PARD3B: variants seen among roughly 807,000 people sequenced by gnomAD.
PARD3B encodes partitioning defective 3 homolog B.
PARD3B carries 103 observed loss-of-function variants against 130.2 expected under a neutral mutation model. The ratio of observed to expected loss-of-function variants is 0.79; its 90% confidence interval spans 0.67 to 0.93. The LOEUF (loss-of-function observed/expected upper bound fraction) is 0.93. PARD3B is among the 40% of genes least tolerant of loss of function. The pLI, the probability that PARD3B is intolerant of heterozygous loss-of-function variation, is 0.00. For synonymous variants in PARD3B, 583 were observed against 553.2 expected, an observed-to-expected ratio of 1.05 and a Z score of -0.76; for missense variants, 1,609 against 1,499.2, an observed-to-expected ratio of 1.07 and a Z score of -1.21.
intron 3 of PARD3B, among the ~76,000 whole-genome samples, chr2:205,007,711 C>G (rs1438725504): frequency 6.6e-6 from 1 of 152,038 alleles, no homozygotes; most frequent in Non-Finnish European, 1.5e-5. Flanking sequence ...GGTTGTTTTT[C>G]TAGTTCTGTG....
At chr2:204,970,664 T>G (rs1037557907) in intron 3 of PARD3B, among the ~76,000 whole-genome samples, 5 of 152,218 alleles carry the variant, frequency 3.3e-5, no homozygotes, top group Admixed American at 3.3e-4. Context: ...ATTTGCTAAT[T>G]TGGGTTCAAG....
At chr2:204,712,556 A>G (rs953326243) in intron 2 of PARD3B, among the ~76,000 whole-genome samples, 4 of 149,538 alleles carry the variant, frequency 2.7e-5, no homozygotes, top group African/African-American at 9.8e-5. Context: ...AGAGGTTGCA[A>G]TGAGCGGAGA....
Position 205,338,164 on chromosome 2 carries a change from A to C in PARD3B, c.2630+36463A>C, listed in dbSNP as rs199623993. On this transcript the variant is annotated intron_variant, in intron 18 of 22. Coordinates refer to ENST00000406610, the MANE Select transcript of PARD3B (RefSeq NM_001302769.2). ...TGAGACTCCATCTCAAAAAAAAAAAAAAAAAAAAAAAAAAGGCTTCATGAG... is the reference window on the plus strand; with the variant it reads ...TGAGACTCCATCTCAAAAAAAAAAACAAAAAAAAAAAAAAGGCTTCATGAG... 6.6e-5 allele frequency among the ~76,000 whole-genome samples: 10 copies of C among 151,106 alleles called. No homozygotes were observed. In the East Asian group the frequency reaches 1.9e-3, roughly 29 times the overall value.
intron 3 of PARD3B, among the ~76,000 whole-genome samples, chr2:205,034,105 C>A (rs527810717): frequency 6.6e-6 from 1 of 152,108 alleles, no homozygotes; most frequent in East Asian, 1.9e-4. Context: ...ACATACTAGA[C>A]GAGATACCCT....
chr2:205,012,226 T>G (rs1037177178), intron 3 of PARD3B, among the ~76,000 whole-genome samples: 2 of 152,218 alleles, frequency 1.3e-5, no homozygotes, highest in Non-Finnish European at 2.9e-5. Flanking sequence ...CATTTTCTCC[T>G]GGTTTTCTTC....
At chr2:205,083,307 A>G (rs1701543662) in intron 4 of PARD3B, among the ~76,000 whole-genome samples, 1 of 150,688 alleles carries the variant, frequency 6.6e-6, no homozygotes. Flanking sequence ...ACATAACCTC[A>G]GTAGCATAAA....
intron 2 of PARD3B, among the ~76,000 whole-genome samples, chr2:204,933,176 G>C (rs945437711): frequency 6.6e-6 from 1 of 152,110 alleles, no homozygotes; most frequent in East Asian, 1.9e-4. Flanking sequence ...GTAGGGCCCT[G>C]TGCACATCCT....
chr2:205,376,220 C>T (rs905488398), intron 18 of PARD3B, among the ~76,000 whole-genome samples: 3 of 152,018 alleles, frequency 2.0e-5, no homozygotes, highest in African/African-American at 7.2e-5. Context: ...CACGAGGCCA[C>T]CAGATAGATA....
At chr2:204,737,610 T>G (rs1220039203) in intron 2 of PARD3B, among the ~76,000 whole-genome samples, 1 of 152,214 alleles carries the variant, frequency 6.6e-6, no homozygotes, top group Non-Finnish European at 1.5e-5. Flanking sequence ...TTGTTTTTGT[T>G]GCATTTGCTT....
chr2:204,733,113 C>A (rs112098669), intron 2 of PARD3B, among the ~76,000 whole-genome samples: 2 of 151,996 alleles, frequency 1.3e-5, no homozygotes, highest in Admixed American at 6.6e-5. Flanking sequence ...GAAACAGGAG[C>A]CGACTGGATG....
chr2:205,480,781 A>G lies in PARD3B; in HGVS notation c.3045-19115A>G, dbSNP rs530258177. 3.9e-5 allele frequency among the ~76,000 whole-genome samples: 6 copies of G among 152,252 alleles called. No individual in the cohort carries two copies. The East Asian group carries it at 1.2e-3, about 29-fold the overall frequency. ...ATGGAGAAGTGAGAATTGATAGATA[A>G]TGAAGTTGATACATTCAGGGGGTGA... On this transcript the variant is annotated intron_variant, in intron 20 of 22. Coordinates refer to ENST00000406610, the MANE Select transcript of PARD3B (RefSeq NM_001302769.2).
chr2:204,805,265 A>G (rs1381940467), intron 2 of PARD3B, among the ~76,000 whole-genome samples: 1 of 152,158 alleles, frequency 6.6e-6, no homozygotes, highest in African/African-American at 2.4e-5. Context: ...TCAAAGGATC[A>G]TTAGTGACTA....
At chr2:204,859,899 C>T (rs184867546) in intron 2 of PARD3B, among the ~76,000 whole-genome samples, 2 of 152,194 alleles carry the variant, frequency 1.3e-5, no homozygotes, top group African/African-American at 4.8e-5. Flanking sequence ...GTTATGCAGC[C>T]CTTGTTGTTT....
chr2:204,771,161 T>C (rs1430360078), intron 2 of PARD3B, among the ~76,000 whole-genome samples: 2 of 152,108 alleles, frequency 1.3e-5, no homozygotes, highest in African/African-American at 4.8e-5. Context: ...GCTATTAAAG[T>C]AATTACAGTA....
chr2:205,516,029 C>T lies in PARD3B; in HGVS notation c.3180+15998C>T, dbSNP rs182417066. On this transcript the variant is annotated intron_variant, in intron 21 of 22. Transcript: ENST00000406610. Reference sequence around the variant, plus strand: ...TCTGCATATGGCTAGCTAGTTATCCCAGCACCATTTATTGAAGAGGGAGTC... The same window carrying T: ...TCTGCATATGGCTAGCTAGTTATCCTAGCACCATTTATTGAAGAGGGAGTC... Among the ~76,000 whole-genome samples, 521 of 152,190 alleles carry T rather than the reference C, an allele frequency of 3.4e-3. 2 individuals carry two copies. The highest frequency in any genetic ancestry group is 4.6e-3 in the Non-Finnish European group (315 of 68,000).
At chr2:205,342,938 A>G (rs1399805051) in intron 18 of PARD3B, among the ~76,000 whole-genome samples, 1 of 152,168 alleles carries the variant, frequency 6.6e-6, no homozygotes, top group Non-Finnish European at 1.5e-5. Flanking sequence ...GGCAATATCT[A>G]TATTATTACT....
chr2:205,367,218 A>G (rs558172909), intron 18 of PARD3B, among the ~76,000 whole-genome samples: 7 of 152,330 alleles, frequency 4.6e-5, no homozygotes, highest in African/African-American at 1.7e-4. Flanking sequence ...TACAATCTCC[A>G]AAATTGAAGA....
At chr2:204,562,616 A>G (rs981777697) in intron 1 of PARD3B, among the ~76,000 whole-genome samples, 2 of 152,120 alleles carry the variant, frequency 1.3e-5, no homozygotes, top group Admixed American at 6.5e-5. Context: ...TGACATGGTG[A>G]TAGTATTGGT....
At chr2:205,614,486 C>T (rs1337256218) in intron 22 of PARD3B, among the ~76,000 whole-genome samples, 1 of 151,978 alleles carries the variant, frequency 6.6e-6, no homozygotes. Flanking sequence ...GGCAGATCAC[C>T]TAAGGTCAGG....
Sources: allele counts gnomAD v4.1 joint callset (sites outside exome capture counted in the v4.1 genomes callset), GRCh38; gene constraint gnomAD v4.1.1; transcripts MANE v1.5; gene names NCBI Gene and HGNC (gene_info 2026-07-23, HGNC 2026-07-21).